Variants in AFG2A observed in about 807,000 individuals in gnomAD.
AFG2A encodes ATPase family gene 2 protein homolog A.
chr4:123,042,905 T>C, the AFG2A span, among the ~76,000 whole-genome samples: 25 of 152,228 alleles, frequency 1.6e-4, no homozygotes, highest in African/African-American at 5.3e-4. Context: ...TTTTAGTCAG[T>C]TACCTCTTAA....
the AFG2A span, among the ~76,000 whole-genome samples, chr4:123,062,356 A>C: frequency 1.2e-3 from 186 of 152,220 alleles, 1 homozygote; most frequent in Non-Finnish European, 2.3e-3. Flanking sequence ...CTATTGCTAG[A>C]TAGTATAACA....
the AFG2A span, chr4:122,934,226 C>T: frequency 6.2e-7 from 1 of 1,614,218 alleles, no homozygotes; most frequent in South Asian, 1.1e-5. Flanking sequence ...GACTCTGACA[C>T]TGATGCCCAA....
At chr4:122,961,984 A>G in the AFG2A span, among the ~76,000 whole-genome samples, 575 of 152,336 alleles carry the variant, frequency 3.8e-3, 2 homozygotes, top group African/African-American at 0.013. Flanking sequence ...CAGTTTTTCC[A>G]TGGACCTGGG....
At chr4:123,116,252 A>C in the AFG2A span, among the ~76,000 whole-genome samples, 1 of 152,204 alleles carries the variant, frequency 6.6e-6, no homozygotes, top group Non-Finnish European at 1.5e-5. Context: ...GGAATGATGG[A>C]ATCATATAAA....
At chr4:123,080,284 T>G in the AFG2A span, among the ~76,000 whole-genome samples, 136 of 152,316 alleles carry the variant, frequency 8.9e-4, no homozygotes, top group African/African-American at 3.1e-3. Context: ...AAGTTTGTGC[T>G]CTCACTCTCT....
At chr4:123,287,681 A>G in the AFG2A span, among the ~76,000 whole-genome samples, 1 of 152,162 alleles carries the variant, frequency 6.6e-6, no homozygotes, top group South Asian at 2.1e-4. Flanking sequence ...ACTAGCATCT[A>G]ATATTAGCAA....
At chr4:123,299,198 A>G in the AFG2A span, among the ~76,000 whole-genome samples, 1 of 151,670 alleles carries the variant, frequency 6.6e-6, no homozygotes, top group South Asian at 2.1e-4. Context: ...TTTCAAAGAG[A>G]AGAGAGTTGG....
chr4:122,970,121 C>T, the AFG2A span, among the ~76,000 whole-genome samples: 1 of 152,222 alleles, frequency 6.6e-6, no homozygotes, highest in South Asian at 2.1e-4. Flanking sequence ...TCAGCACATA[C>T]TCACTGACTT....
the AFG2A span, among the ~76,000 whole-genome samples, chr4:122,996,301 C>T: frequency 1.2e-4 from 18 of 152,128 alleles, no homozygotes; most frequent in African/African-American, 4.1e-4. Context: ...GCTTTGTGGA[C>T]ATAATTGTGT....
the AFG2A span, among the ~76,000 whole-genome samples, chr4:123,003,109 C>T: frequency 6.6e-6 from 1 of 152,200 alleles, no homozygotes; most frequent in East Asian, 1.9e-4. Context: ...GCTCCTGAGG[C>T]TTCTGCATTC....
the AFG2A span, among the ~76,000 whole-genome samples, chr4:123,107,288 G>A: frequency 0.027 from 4,133 of 152,294 alleles, 78 homozygotes; most frequent in Non-Finnish European, 0.035. Flanking sequence ...TTCTTGTCCC[G>A]TGTCCAGGAC....
At chr4:123,009,249 T>C in the AFG2A span, among the ~76,000 whole-genome samples, 1 of 152,198 alleles carries the variant, frequency 6.6e-6, no homozygotes, top group South Asian at 2.1e-4. Flanking sequence ...AACAGAGAAG[T>C]TCACTTGAGC....
At chr4:123,047,458 G>T in the AFG2A span, among the ~76,000 whole-genome samples, 1 of 151,868 alleles carries the variant, frequency 6.6e-6, no homozygotes, top group Admixed American at 6.6e-5. Flanking sequence ...TGTTATTCTG[G>T]TTATTATTTC....
the AFG2A span, among the ~76,000 whole-genome samples, chr4:123,053,344 G>C: frequency 7.9e-5 from 12 of 152,224 alleles, no homozygotes; most frequent in African/African-American, 2.9e-4. Flanking sequence ...TGGAAATGCT[G>C]GCCAGGGATC....
At chr4:122,952,764 A>G in the AFG2A span, among the ~76,000 whole-genome samples, 5 of 152,286 alleles carry the variant, frequency 3.3e-5, no homozygotes, top group South Asian at 2.1e-4. Flanking sequence ...GTAAAAGTCT[A>G]TTGTTCTTCC....
the AFG2A span, among the ~76,000 whole-genome samples, chr4:123,145,494 T>C: frequency 6.6e-6 from 1 of 152,152 alleles, no homozygotes; most frequent in Non-Finnish European, 1.5e-5. Context: ...TCTGCTAATA[T>C]GTTAAGCACT....
the AFG2A span, among the ~76,000 whole-genome samples, chr4:123,100,164 T>A: frequency 6.6e-6 from 1 of 151,882 alleles, no homozygotes; most frequent in Non-Finnish European, 1.5e-5. Flanking sequence ...CCATCATTTC[T>A]TCATCCTTTG....
At chr4:123,074,102 T>TTTTTTTTTTG in the AFG2A span, among the ~76,000 whole-genome samples, 1 of 141,232 alleles carries the variant, frequency 7.1e-6, no homozygotes, top group South Asian at 2.5e-4. Flanking sequence ...AGTATTTTTT[T>TTTTTTTTTTG]TTTTTTTTTG....
At chr4:123,112,188 T>C in the AFG2A span, among the ~76,000 whole-genome samples, 1 of 152,222 alleles carries the variant, frequency 6.6e-6, no homozygotes, top group Non-Finnish European at 1.5e-5. Context: ...AAACTACTCT[T>C]CCTTGATTTT....
Sources: gnomAD v4.1 joint callset for allele counts (sites outside exome capture counted in the v4.1 genomes callset) on GRCh38, gnomAD v4.1.1 for gene constraint, MANE v1.5 for transcripts, NCBI Gene and HGNC (gene_info 2026-07-23, HGNC 2026-07-21) for gene names.